NSUN6: variants seen among roughly 807,000 people sequenced by gnomAD.
NSUN6 encodes the protein tRNA (cytosine(72)-C(5))-methyltransferase NSUN6.
Under a neutral mutation model 58.0 loss-of-function variants are expected in NSUN6, and 64 were observed. The ratio of observed to expected loss-of-function variants is 1.10; its 90% CI spans 0.90 to 1.36. NSUN6 has a LOEUF of 1.36. NSUN6 is among the 40% of genes most tolerant of loss of function. The pLI is 0.00. For synonymous variants in NSUN6, 231 were observed against 193.9 expected, an observed-to-expected ratio of 1.19 and a Z score of -1.59; for missense variants, 701 against 550.1, an observed-to-expected ratio of 1.27 and a Z score of -2.74.
At chr10:18,557,805 G>A (rs1380153052) in intron 8 of NSUN6, among the ~76,000 whole-genome samples, 1 of 151,370 alleles carries the variant, frequency 6.6e-6, no homozygotes, top group Non-Finnish European at 1.5e-5. Flanking sequence ...GGAAGGGAAT[G>A]GAATGGAAAA....
Position 18,558,949 on chromosome 10 carries a change from G to A in NSUN6, c.923-6978C>T, listed in dbSNP as rs115047066. 2.6e-3 allele frequency among the ~76,000 whole-genome samples: 393 copies of A among 149,508 alleles called. 6 individuals are homozygous for A. The highest frequency in any genetic ancestry group is 9.4e-3 in the African/African-American group (377 of 40,062). On this transcript the variant is annotated intron_variant, in intron 8 of 10. Coordinates refer to ENST00000377304, the MANE Select transcript of NSUN6 (RefSeq NM_182543.5). ...AATGGACTGGACAATGGAATGGAAG[G>A]GAGAATGGAAGGGAGAATGGAAAAG...
chr10:18,629,041 C>A (rs986000482), intron 3 of NSUN6, among the ~76,000 whole-genome samples: 25 of 152,314 alleles, frequency 1.6e-4, no homozygotes, highest in South Asian at 6.2e-4. Flanking sequence ...GCCCATCAGA[C>A]TAACAGCAGG....
At chr10:18,560,917 G>C (rs1288678773) in intron 8 of NSUN6, among the ~76,000 whole-genome samples, 2 of 151,498 alleles carry the variant, frequency 1.3e-5, no homozygotes, top group Admixed American at 6.6e-5. Context: ...GAATGGAATG[G>C]AATGGAGCAT....
intron 3 of NSUN6, among the ~76,000 whole-genome samples, chr10:18,638,826 C>T (rs73607795): frequency 0.012 from 1,811 of 151,540 alleles, 43 homozygotes; most frequent in African/African-American, 0.042. Flanking sequence ...TGACTGTACT[C>T]ACCAACAACG....
At chr10:18,627,890 C>T (rs1225211462) in intron 3 of NSUN6, among the ~76,000 whole-genome samples, 5 of 152,238 alleles carry the variant, frequency 3.3e-5, no homozygotes, top group African/African-American at 1.2e-4. Flanking sequence ...GAAGCTCCAA[C>T]TGGGTGGAGC....
chr10:18,553,826 G>C (rs983139107), intron 8 of NSUN6, among the ~76,000 whole-genome samples: 1 of 150,192 alleles, frequency 6.7e-6, no homozygotes, highest in Admixed American at 6.6e-5. Flanking sequence ...GGAGAATAGA[G>C]TAGAATAGAA....
At chr10:18,654,975 A>G (rs180951279), upstream of NSUN6, 348 of 622,926 alleles carry the variant, frequency 5.6e-4, 1 homozygote, top group African/African-American at 6.2e-3. Flanking sequence ...CAAAAAATCA[A>G]TCTTGGATTG....
At chr10:18,552,150 G>A (rs544404662) in intron 8 of NSUN6, among the ~76,000 whole-genome samples, 179 bp from the exon 9 acceptor site, 5 of 137,678 alleles carry the variant, frequency 3.6e-5, no homozygotes, top group South Asian at 5.1e-4. Flanking sequence ...ATTTGATGTG[G>A]TAGAAAGGTT....
chr10:18,615,656 G>A lies in NSUN6; in HGVS notation c.421+528C>T, dbSNP rs145412582. ...TTCATTTCAAGGACACCATAACTGA[G>A]GCCCAGAGACGGAATACGTTTTCTA... is the stretch of plus-strand genomic sequence containing the variant. On this transcript the variant is annotated intron_variant, in intron 4 of 10. Coordinates refer to ENST00000377304, the MANE Select transcript of NSUN6 (RefSeq NM_182543.5). 1.0e-3 allele frequency among the ~76,000 whole-genome samples: 156 copies of A among 152,254 alleles called. 1 individual carries two copies. The highest frequency in any genetic ancestry group is 3.6e-3 in the African/African-American group (149 of 41,568).
chr10:18,572,789 ATTCCATTCCATACTCCATTCCC>A (rs1184789158), intron 8 of NSUN6, among the ~76,000 whole-genome samples: 2 of 141,258 alleles, frequency 1.4e-5, no homozygotes, highest in Non-Finnish European at 3.0e-5. Flanking sequence ...ACTCCATTCC[ATTCCATTCCATACTCCATTCCC>A]TTCCATCCTC....
rs1290808049 is a variant in NSUN6 at position 18,548,376 on chromosome 10, T to G, written c.1072-139A>C. ...TTCTATGTGACAAGGATTCCTTCTG[T>G]AATTAGAGTATGCAAGAGCAACACT... On this transcript the variant is annotated intron_variant, in intron 9 of 10. Transcript: ENST00000377304. 58 of 704,542 alleles carry G rather than the reference T, an allele frequency of 8.2e-5. No individual in the cohort carries two copies. The South Asian group carries it at 1.3e-3, about 15-fold the overall frequency. 43.6% of individuals were successfully genotyped at this position (704,542 alleles called of 1,614,324 possible).
chr10:18,548,493 C>T (rs1037296622), intron 9 of NSUN6, among the ~76,000 whole-genome samples: 1 of 152,142 alleles, frequency 6.6e-6, no homozygotes, highest in Non-Finnish European at 1.5e-5. Context: ...CACCGTCATG[C>T]CTTTGGATAC....
rs146060548 is a variant in NSUN6 at position 18,552,690 on chromosome 10, C to T, written c.923-719G>A. On this transcript the variant is annotated intron_variant, in intron 8 of 10. Coordinates refer to ENST00000377304, the MANE Select transcript of NSUN6 (RefSeq NM_182543.5). Reference sequence around the variant, plus strand: ...ATTCTCCATTCCATTCCATTCCATTCCCCATTCCATTCCATTCTGCGTTCC... The same window carrying T: ...ATTCTCCATTCCATTCCATTCCATTTCCCATTCCATTCCATTCTGCGTTCC... Among the ~76,000 whole-genome samples, 576 of 151,460 alleles carry T rather than the reference C, an allele frequency of 3.8e-3. 4 individuals carry two copies. The highest frequency in any genetic ancestry group is 0.013 in the African/African-American group (525 of 41,330).
intron 5 of NSUN6, among the ~76,000 whole-genome samples, chr10:18,612,793 C>T (rs535849351): frequency 6.6e-6 from 1 of 152,278 alleles, no homozygotes; most frequent in African/African-American, 2.4e-5. Context: ...ACTTTTGTAG[C>T]CACATATCTC....
chr10:18,635,798 A>G (rs1192180839), intron 3 of NSUN6, among the ~76,000 whole-genome samples: 1 of 151,602 alleles, frequency 6.6e-6, no homozygotes, highest in Non-Finnish European at 1.5e-5. Context: ...AGATCCTGCC[A>G]CTGCACTCCA....
intron 6 of NSUN6, 101 bp downstream of exon 6, chr10:18,609,744 A>G (rs1381170642): frequency 2.9e-6 from 2 of 696,940 alleles, no homozygotes; most frequent in East Asian, 5.5e-5. Flanking sequence ...ATGTAAGTAG[A>G]CCACAGAAAA....
At position 18,547,661 on chromosome 10, in the gene NSUN6, G is replaced by A. The variant is rs1231239672; in HGVS notation, c.1197+451C>T. ...AAATATTATACATTTTATATAATAA[G>A]CAATAATCCAGAAATACTTTTTTCC... On this transcript the variant is annotated intron_variant, in intron 10 of 10. Transcript: ENST00000377304. Among the ~76,000 whole-genome samples the A allele has an allele frequency of 2.0e-5, 3 of 152,070 alleles. No individual in the cohort carries two copies. The South Asian group carries it at 6.2e-4, about 32-fold the overall frequency.
At chr10:18,605,603 T>C (rs142548640) in intron 6 of NSUN6, among the ~76,000 whole-genome samples, 43 of 152,302 alleles carry the variant, frequency 2.8e-4, no homozygotes, top group African/African-American at 9.6e-4. Context: ...CATAAATATA[T>C]GTGTTGTGGT....
chr10:18,626,917 A>T (rs2058831369), intron 3 of NSUN6, among the ~76,000 whole-genome samples: 1 of 152,242 alleles, frequency 6.6e-6, no homozygotes. Flanking sequence ...TGCTTGAACT[A>T]TTTTAAGACT....
Sources: gnomAD v4.1 joint callset for allele counts (sites outside exome capture counted in the v4.1 genomes callset) on GRCh38, gnomAD v4.1.1 for gene constraint, MANE v1.5 for transcripts, NCBI Gene and HGNC (gene_info 2026-07-23, HGNC 2026-07-21) for gene names.